UGT1A4: variants seen among roughly 807,000 people sequenced by gnomAD.
UGT1A4 encodes the protein UDP-glucuronosyltransferase 1A4.
In UGT1A4, 32 loss-of-function variants were observed where a neutral mutation model predicts 41.1. The observed-to-expected ratio is 0.78, with a 90% CI of 0.59 to 1.05. The LOEUF (loss-of-function observed/expected upper bound fraction) is 1.05. Among genes scored for constraint, UGT1A4 ranks in the 50% least tolerant of loss-of-function variants. UGT1A4 has a pLI of 0.00. For missense variants in UGT1A4, 748 were observed against 677.4 expected (o/e 1.10, Z -1.16); for synonymous variants, 283 against 265.1 (o/e 1.07, Z -0.66).
At chr2:233,730,554 A>G (rs1442636181) in intron 1 of UGT1A4, among the ~76,000 whole-genome samples, 1 of 152,192 alleles carries the variant, frequency 6.6e-6, no homozygotes, top group Non-Finnish European at 1.5e-5. Context: ...CTGTGATTAG[A>G]GAATGACACA....
rs35003977 is a variant in UGT1A4, at chr2:233,760,961, T to G, written c.868-6073T>G. 783 of 1,614,200 alleles carry G rather than the reference T, an allele frequency of 4.9e-4. 4 individuals are homozygous for G. The highest frequency in any genetic ancestry group is 3.5e-3 in the Middle Eastern group (21 of 6,062). On this transcript the variant is annotated intron_variant, in intron 1 of 4. Coordinates refer to ENST00000373409, the MANE Select transcript of UGT1A4 (RefSeq NM_007120.3). ...TTTTCACAGAACTTTCTGTGCGACG[T>G]GGTTTATTCCCCGTATGCAACCCTT...
intron 1 of UGT1A4, among the ~76,000 whole-genome samples, chr2:233,741,256 C>T (rs1347287188): frequency 6.6e-6 from 1 of 151,868 alleles, no homozygotes; most frequent in Non-Finnish European, 1.5e-5. Context: ...GTATGCCACT[C>T]TTTGCTGACC....
At chr2:233,727,635 G>A (rs920148460) in intron 1 of UGT1A4, among the ~76,000 whole-genome samples, 17 of 152,184 alleles carry the variant, frequency 1.1e-4, no homozygotes, top group Non-Finnish European at 1.5e-4. Flanking sequence ...TGCACCCACA[G>A]CTGAGAATCC....
At chr2:233,745,949 A>G (rs1225490168) in intron 1 of UGT1A4, among the ~76,000 whole-genome samples, 4 of 151,666 alleles carry the variant, frequency 2.6e-5, no homozygotes, top group East Asian at 3.9e-4. Context: ...GGGTTGGGCA[A>G]CTGGGGGACA....
intron 1 of UGT1A4, chr2:233,753,536 C>G (rs1575719144): frequency 6.6e-6 from 1 of 152,188 alleles, no homozygotes. Flanking sequence ...CTCATGCAAA[C>G]TTTTCCTCAG....
At position 233,729,391 on chromosome 2, in the gene UGT1A4, T is replaced by C. The variant is rs1264943751; in HGVS notation, c.867+9704T>C. On this transcript the variant is annotated intron_variant, in intron 1 of 4. Transcript: ENST00000373409. ...TGCCATTTCGTGGACCCAGGATGAA[T>C]TTGATCGCCATGTGCTGGGCCACAC... 6.2e-7 allele frequency: 1 copy of C among 1,613,898 alleles called. No individual in the cohort carries two copies. Among genetic ancestry groups the C allele is most frequent in the Non-Finnish European group, 8.5e-7 (1 of 1,179,836 alleles).
chr2:233,728,942 G>A (rs1352391275), intron 1 of UGT1A4, among the ~76,000 whole-genome samples: 1 of 147,948 alleles, frequency 6.8e-6, no homozygotes, highest in Non-Finnish European at 1.5e-5. Flanking sequence ...CTTTTCCAGG[G>A]TGGGGCCCAC....
At chr2:233,737,333 A>G (rs1343218207) in intron 1 of UGT1A4, among the ~76,000 whole-genome samples, 1 of 152,246 alleles carries the variant, frequency 6.6e-6, no homozygotes, top group Non-Finnish European at 1.5e-5. Context: ...AGCAGTGAGC[A>G]AGGCTCCGTG....
chr2:233,772,895 C>T lies in UGT1A4; in HGVS notation c.*336C>T. 1 of 493,846 alleles carries T rather than the reference C, an allele frequency of 2.0e-6. No homozygotes were observed. The highest frequency in any genetic ancestry group is 3.3e-6 in the Non-Finnish European group (1 of 304,584). 30.6% of individuals were successfully genotyped at this position (493,846 alleles called of 1,614,324 possible). A position where few individuals can be genotyped will look rare whatever the true frequency, so the allele number is the denominator to read the frequency against. ...GGAGTGCGGGATTCAAAGGTGGTCC[C>T]ACGGCTGCCCCTACTGCAAATGGCA... On this transcript the variant is annotated 3_prime_UTR_variant, in exon 5 of 5. Transcript: ENST00000373409.
At chr2:233,724,287 G>A (rs1285366990) in intron 1 of UGT1A4, among the ~76,000 whole-genome samples, 2 of 143,496 alleles carry the variant, frequency 1.4e-5, no homozygotes, top group Admixed American at 1.4e-4. Flanking sequence ...CGGGCGGGGG[G>A]CTGACCCCCC....
rs375123865 is a variant in UGT1A4, at chr2:233,769,419, A to G, written c.1307+980A>G. ...TGCATATGTGCGTGTGCGTTTGTGC[A>G]TGTGGCTGTGCTCATGTGTGGGTGC... On this transcript the variant is annotated intron_variant, in intron 4 of 4. Transcript: ENST00000373409. The surrounding 1 kb of genome is among the most constrained non-coding windows in gnomAD (Gnocchi z 4.4). 1.9e-5 allele frequency: 27 copies of G among 1,449,888 alleles called. No individual in the cohort carries two copies. The highest frequency in any genetic ancestry group is 3.6e-4 in the Middle Eastern group (2 of 5,546). The allele number at this position is 1,449,888 out of a possible 1,614,324, so 89.8% of individuals were successfully genotyped here.
At chr2:233,765,550 G>T (rs1420630288) in intron 1 of UGT1A4, among the ~76,000 whole-genome samples, 1 of 152,098 alleles carries the variant, frequency 6.6e-6, no homozygotes, top group Non-Finnish European at 1.5e-5. Flanking sequence ...AGTGGGAGTT[G>T]AACAGTGAGA....
At chr2:233,720,704 CTT>C (rs796417980) in intron 1 of UGT1A4, among the ~76,000 whole-genome samples, 9 of 139,144 alleles carry the variant, frequency 6.5e-5, no homozygotes, top group Non-Finnish European at 6.3e-5. Context: ...GGGAGCCATC[CTT>C]TTTTTTTTTT....
rs35129844 is a variant in UGT1A4 at position 233,767,814 on chromosome 2, C to A, written c.1000-35C>A. Reference sequence around the variant, plus strand: ...ATTTGTTTTCTAATCATATTATGTTCTTTCTTTACGTTCTGCTCTTTTTGC... The same window carrying A: ...ATTTGTTTTCTAATCATATTATGTTATTTCTTTACGTTCTGCTCTTTTTGC... On this transcript the variant is annotated intron_variant, in intron 2 of 4. Coordinates refer to ENST00000373409, the MANE Select transcript of UGT1A4 (RefSeq NM_007120.3). The A allele has an allele frequency of 5.0e-6, 8 of 1,613,992 alleles. No homozygotes were observed. In the African/African-American group the frequency reaches 6.7e-5, roughly 13 times the overall value.
intron 1 of UGT1A4, among the ~76,000 whole-genome samples, chr2:233,766,756 G>A (rs1351928821): frequency 2.0e-5 from 3 of 152,168 alleles, no homozygotes; most frequent in Non-Finnish European, 4.4e-5. Flanking sequence ...GTGCATGTGT[G>A]TGCATGTACC....
chr2:233,743,894 A>G, intron 1 of UGT1A4: 2 of 1,366,966 alleles, frequency 1.5e-6, no homozygotes, highest in Non-Finnish European at 9.8e-7. Context: ...GGGCACGTCC[A>G]GCACCTCGTA....
intron 1 of UGT1A4, among the ~76,000 whole-genome samples, chr2:233,758,854 C>A (rs1032361524): frequency 6.6e-6 from 1 of 152,158 alleles, no homozygotes; most frequent in Admixed American, 6.5e-5. Context: ...CCAATTCTGG[C>A]TGCACAATAC....
chr2:233,724,006 C>T (rs1270251219), intron 1 of UGT1A4, among the ~76,000 whole-genome samples: 22 of 69,754 alleles, frequency 3.2e-4, no homozygotes, highest in Admixed American at 5.0e-4. Flanking sequence ...TCCACAAAGC[C>T]GCCATTGTCA....
chr2:233,746,172 C>A (rs766361306), intron 1 of UGT1A4, among the ~76,000 whole-genome samples: 1 of 151,822 alleles, frequency 6.6e-6, no homozygotes, highest in Non-Finnish European at 1.5e-5. Flanking sequence ...AAAATCTTGC[C>A]TGTAAGGAAT....
Sources: allele counts gnomAD v4.1 joint callset (sites outside exome capture counted in the v4.1 genomes callset), GRCh38; gene constraint gnomAD v4.1.1; non-coding constraint Gnocchi (gnomAD v3.1); transcripts MANE v1.5; gene names NCBI Gene and HGNC (gene_info 2026-07-23, HGNC 2026-07-21).